Variants in SPAG16 observed in about 807,000 individuals in gnomAD.
The protein encoded by SPAG16 is sperm associated antigen 16, also known as sperm-associated antigen 16 protein.
SPAG16 carries 86 observed loss-of-function variants against 80.4 expected under a neutral mutation model. That is an observed-to-expected ratio of 1.07 (90% confidence interval 0.90 to 1.28). The LOEUF is 1.28. Ranked by LOEUF, SPAG16 falls within the 50% of genes most tolerant of loss-of-function variation. The pLI, the probability that SPAG16 is intolerant of heterozygous loss-of-function variation, is 0.00. For synonymous variants in SPAG16, 294 were observed against 265.9 expected, an observed-to-expected ratio of 1.11 and a Z score of -1.03; for missense variants, 870 against 765.3, an observed-to-expected ratio of 1.14 and a Z score of -1.61.
At chr2:213,668,751 C>T (rs1233415105) in intron 10 of SPAG16, among the ~76,000 whole-genome samples, 3 of 152,034 alleles carry the variant, frequency 2.0e-5, no homozygotes, top group African/African-American at 7.2e-5. Flanking sequence ...CGGGTTCAAG[C>T]GATTCTCCTG....
At chr2:213,815,421 C>T (rs1220310567) in intron 10 of SPAG16, among the ~76,000 whole-genome samples, 2 of 152,074 alleles carry the variant, frequency 1.3e-5, no homozygotes, top group Non-Finnish European at 2.9e-5. Context: ...TGAATTTGTC[C>T]AAACTTACTA....
At chr2:213,720,593 G>A (rs12990163) in intron 10 of SPAG16, among the ~76,000 whole-genome samples, 32,233 of 150,634 alleles carry the variant, frequency 0.21, 4,298 homozygotes, top group Middle Eastern at 0.33. Flanking sequence ...AGTGGAGATC[G>A]CGCCACTGCA....
At chr2:214,147,553 C>T (rs749395096) in intron 14 of SPAG16, among the ~76,000 whole-genome samples, 14 of 152,160 alleles carry the variant, frequency 9.2e-5, no homozygotes, top group Middle Eastern at 3.4e-3. Flanking sequence ...CATTGAAAGC[C>T]CTTATATTTG....
At chr2:213,365,972 C>T (rs2066259925) in intron 8 of SPAG16, among the ~76,000 whole-genome samples, 2 of 149,616 alleles carry the variant, frequency 1.3e-5, no homozygotes, top group South Asian at 4.2e-4. Flanking sequence ...GAAACCCCGT[C>T]TCTACTAAAA....
rs745864122 is a variant in SPAG16 at position 213,673,032 on chromosome 2, T to C, written c.1070+182942T>C. On this transcript the variant is annotated intron_variant, in intron 10 of 15. Coordinates refer to ENST00000331683, the MANE Select transcript of SPAG16 (RefSeq NM_024532.5). ...GTCTTCTCTTTCTTGAATTTCAGGA[T>C]GTTACCACTTTTTGCCTTTATTAAT... 2.6e-5 allele frequency among the ~76,000 whole-genome samples: 4 copies of C among 152,216 alleles called. No homozygotes were observed. The Middle Eastern group carries it at 0.01, about 388-fold the overall frequency.
chr2:214,350,838 T>A (rs1458024902), intron 15 of SPAG16, among the ~76,000 whole-genome samples: 1 of 152,034 alleles, frequency 6.6e-6, no homozygotes, highest in African/African-American at 2.4e-5. Flanking sequence ...TAATAGGAGA[T>A]CTCTAAACAG....
intron 9 of SPAG16, among the ~76,000 whole-genome samples, chr2:213,450,520 A>G (rs2071620559): frequency 6.6e-6 from 1 of 152,142 alleles, no homozygotes; most frequent in Non-Finnish European, 1.5e-5. Flanking sequence ...GATTTGAGAT[A>G]TTTCTGTGAT....
At chr2:213,659,454 A>G (rs2063340729) in intron 10 of SPAG16, among the ~76,000 whole-genome samples, 1 of 152,146 alleles carries the variant, frequency 6.6e-6, no homozygotes, top group Non-Finnish European at 1.5e-5. Context: ...AAAAAATTGC[A>G]ATTATAAAGT....
intron 15 of SPAG16, among the ~76,000 whole-genome samples, chr2:214,305,963 G>C (rs1461251135): frequency 6.6e-6 from 1 of 151,520 alleles, no homozygotes; most frequent in Non-Finnish European, 1.5e-5. Context: ...AAATTGCTTT[G>C]GGCAGTATGA....
chr2:213,622,559 G>A (rs2061826350), intron 10 of SPAG16, among the ~76,000 whole-genome samples: 1 of 152,106 alleles, frequency 6.6e-6, no homozygotes. Context: ...GGCTTTCTGT[G>A]CGGTGAGCAG....
chr2:214,118,128 A>G (rs2054033343), intron 14 of SPAG16, among the ~76,000 whole-genome samples: 1 of 152,218 alleles, frequency 6.6e-6, no homozygotes, highest in African/African-American at 2.4e-5. Context: ...AAAAACTGTT[A>G]GAACTAATAA....
At chr2:214,190,474 A>G (rs531958572) in intron 15 of SPAG16, among the ~76,000 whole-genome samples, 2 of 152,292 alleles carry the variant, frequency 1.3e-5, no homozygotes, top group East Asian at 3.9e-4. Flanking sequence ...AAATGGCTAC[A>G]AAGACTATTA....
chr2:214,366,622 CATTAT>C (rs1348278383), intron 15 of SPAG16, among the ~76,000 whole-genome samples: 1 of 151,982 alleles, frequency 6.6e-6, no homozygotes, highest in Non-Finnish European at 1.5e-5. Context: ...AAGATCTGTG[CATTAT>C]ATCATTTATG....
chr2:213,963,027 A>C (rs953642295), intron 12 of SPAG16, among the ~76,000 whole-genome samples: 3 of 148,518 alleles, frequency 2.0e-5, no homozygotes, highest in African/African-American at 7.4e-5. Flanking sequence ...TTTTATAATC[A>C]CTATTTCATT....
intron 10 of SPAG16, among the ~76,000 whole-genome samples, chr2:213,734,645 T>C (rs1189191306): frequency 6.6e-6 from 1 of 152,116 alleles, no homozygotes; most frequent in Non-Finnish European, 1.5e-5. Context: ...AATAAAGGGG[T>C]TATATGCAAA....
intron 10 of SPAG16, among the ~76,000 whole-genome samples, chr2:213,670,288 G>A (rs111616880): frequency 0.038 from 5,713 of 152,040 alleles, 340 homozygotes; most frequent in African/African-American, 0.13. Flanking sequence ...GAGCCACCGC[G>A]CCAGGCCAAG....
intron 15 of SPAG16, among the ~76,000 whole-genome samples, chr2:214,292,273 C>G (rs1693856085): frequency 6.6e-6 from 1 of 152,086 alleles, no homozygotes; most frequent in Non-Finnish European, 1.5e-5. Flanking sequence ...CCTTCTGTAT[C>G]TGGATGTGTA....
At chr2:214,059,103 G>A (rs1008162144) in intron 13 of SPAG16, among the ~76,000 whole-genome samples, 2 of 150,600 alleles carry the variant, frequency 1.3e-5, no homozygotes, top group Non-Finnish European at 3.0e-5. Context: ...CTTGAACCCA[G>A]GAGGCAGAGG....
chr2:213,562,294 C>T (rs529545913), intron 10 of SPAG16, among the ~76,000 whole-genome samples: 3 of 152,192 alleles, frequency 2.0e-5, no homozygotes, highest in Admixed American at 1.3e-4. Context: ...TATGTAAATA[C>T]GTGAAATTGC....
Sources: gnomAD v4.1 joint callset for allele counts (sites outside exome capture counted in the v4.1 genomes callset) on GRCh38, gnomAD v4.1.1 for gene constraint, MANE v1.5 for transcripts, NCBI Gene and HGNC (gene_info 2026-07-23, HGNC 2026-07-21) for gene names.